The following CTNNA2 variants were observed in gnomAD, a reference collection of about 807,000 sequenced individuals.
CTNNA2 encodes catenin alpha-2.
Under a neutral mutation model 101.0 loss-of-function variants are expected in CTNNA2, and 42 were observed. The ratio of observed to expected loss-of-function variants is 0.42; its 90% CI spans 0.32 to 0.54. The LOEUF (loss-of-function observed/expected upper bound fraction) is 0.54, where lower values mean the gene tolerates loss of function less well. Among genes scored for constraint, CTNNA2 ranks in the 20% least tolerant of loss-of-function variants. CTNNA2 has a pLI of 0.14. For missense variants in CTNNA2, 871 were observed against 1,223.1 expected (o/e 0.71, Z 4.29); for synonymous variants, 450 against 456.4 (o/e 0.99, Z 0.18).
chr2:80,084,597 C>T (rs1031130802), intron 7 of CTNNA2, among the ~76,000 whole-genome samples: 2 of 152,062 alleles, frequency 1.3e-5, no homozygotes, highest in African/African-American at 4.8e-5. Context: ...TGCTTACTGA[C>T]TTGATTAATG....
chr2:80,551,147 T>C (rs904353226), intron 11 of CTNNA2, among the ~76,000 whole-genome samples: 1 of 152,190 alleles, frequency 6.6e-6, no homozygotes, highest in African/African-American at 2.4e-5. Flanking sequence ...CAATGAGCAA[T>C]AACATTTTGA....
intron 9 of CTNNA2, among the ~76,000 whole-genome samples, chr2:80,508,713 T>C (rs1688472812): frequency 6.6e-6 from 1 of 151,354 alleles, no homozygotes; most frequent in Non-Finnish European, 1.5e-5. Flanking sequence ...GTGTTGATTG[T>C]GTTTATGTAG....
At chr2:80,159,137 C>A (rs1027833168) in intron 7 of CTNNA2, among the ~76,000 whole-genome samples, 10 of 152,152 alleles carry the variant, frequency 6.6e-5, no homozygotes, top group Non-Finnish European at 1.3e-4. Context: ...GACTTCATTT[C>A]TCTGGGATAA....
chr2:79,556,710 T>C (rs1011400557), intron 1 of CTNNA2, among the ~76,000 whole-genome samples: 3 of 152,032 alleles, frequency 2.0e-5, no homozygotes, highest in African/African-American at 7.2e-5. Context: ...TAAATGGAAT[T>C]TAGAATTAGC....
chr2:80,591,308 C>G (rs950647786), intron 15 of CTNNA2, among the ~76,000 whole-genome samples: 12 of 152,002 alleles, frequency 7.9e-5, no homozygotes, highest in African/African-American at 2.2e-4. Context: ...TACAATTTTT[C>G]CCACTGCATG....
chr2:80,415,822 G>A (rs1251981808), intron 8 of CTNNA2, among the ~76,000 whole-genome samples: 2 of 152,084 alleles, frequency 1.3e-5, no homozygotes, highest in Non-Finnish European at 2.9e-5. Flanking sequence ...GTGATAGGCA[G>A]ATAAATAGAT....
At chr2:80,628,542 G>A (rs769401375) in intron 18 of CTNNA2, among the ~76,000 whole-genome samples, 2 of 151,820 alleles carry the variant, frequency 1.3e-5, no homozygotes, top group East Asian at 3.9e-4. Flanking sequence ...GAAAGCTGAA[G>A]TTGGATCCCT....
chr2:79,982,379 TATATA>T (rs1691421854), intron 7 of CTNNA2, among the ~76,000 whole-genome samples: 1 of 143,830 alleles, frequency 7.0e-6, no homozygotes, highest in African/African-American at 2.6e-5. Flanking sequence ...ATATATAACA[TATATA>T]ACATATATAA....
chr2:80,417,690 A>G (rs1432837045), intron 8 of CTNNA2, among the ~76,000 whole-genome samples: 1 of 151,250 alleles, frequency 6.6e-6, no homozygotes, highest in Non-Finnish European at 1.5e-5. Flanking sequence ...TATTATTTTT[A>G]TGATGTTTTT....
At chr2:79,375,324 A>T (rs1479859897) in intron 4 of CTNNA2, among the ~76,000 whole-genome samples, 1 of 152,168 alleles carries the variant, frequency 6.6e-6, no homozygotes, top group Admixed American at 6.5e-5. Context: ...AGCTTTTTGT[A>T]AGAATTGCAG....
intron 4 of CTNNA2, among the ~76,000 whole-genome samples, chr2:79,429,784 T>C (rs992609167): frequency 6.6e-6 from 1 of 152,076 alleles, no homozygotes; most frequent in African/African-American, 2.4e-5. Flanking sequence ...AATAATTAAA[T>C]AATAATCCAA....
chr2:79,939,771 G>C (rs2104452284), intron 7 of CTNNA2, among the ~76,000 whole-genome samples: 1 of 152,270 alleles, frequency 6.6e-6, no homozygotes, highest in African/African-American at 2.4e-5. Flanking sequence ...CCTACTCACA[G>C]AATTGTGAAA....
intron 2 of CTNNA2, among the ~76,000 whole-genome samples, chr2:79,700,193 A>G (rs974295014): frequency 2.6e-5 from 4 of 152,162 alleles, no homozygotes; most frequent in African/African-American, 4.8e-5. Flanking sequence ...GGTTATGAAT[A>G]TAACATATCT....
intron 9 of CTNNA2, among the ~76,000 whole-genome samples, chr2:80,492,677 C>T (rs1687154593): frequency 6.6e-6 from 1 of 152,096 alleles, no homozygotes; most frequent in African/African-American, 2.4e-5. Context: ...TTGTAGATTC[C>T]TCTAATATTC....
At chr2:80,483,125 G>C (rs146366245) in intron 9 of CTNNA2, among the ~76,000 whole-genome samples, 2 of 152,236 alleles carry the variant, frequency 1.3e-5, no homozygotes, top group Middle Eastern at 3.4e-3. Context: ...TAGTGTCTCT[G>C]AGAGAGTAGC....
In CTNNA2 at chr2:79,706,727, CT is replaced by C. The variant is rs1685407337; in HGVS notation, c.103-37658del. ...CAGGGACTTGAAAGTATAAGAAAATCTTGGGTGGTGGGCAGGCACCCAGGTC... is the reference window on the plus strand; with the variant it reads ...CAGGGACTTGAAAGTATAAGAAAATCTGGGTGGTGGGCAGGCACCCAGGTC... On this transcript the variant is annotated intron_variant, in intron 2 of 18. Coordinates refer to ENST00000402739, the MANE Select transcript of CTNNA2 (RefSeq NM_001282597.3). Among the ~76,000 whole-genome samples the C allele has an allele frequency of 2.6e-5, 4 of 152,184 alleles. No homozygotes were observed. In the South Asian group the frequency reaches 8.3e-4, roughly 32 times the overall value.
chr2:80,339,547 T>G (rs934465033), intron 7 of CTNNA2, among the ~76,000 whole-genome samples: 2 of 152,186 alleles, frequency 1.3e-5, no homozygotes, highest in South Asian at 2.1e-4. Flanking sequence ...GAAGTAGAAA[T>G]ACCTCTTCCA....
intron 7 of CTNNA2, among the ~76,000 whole-genome samples, chr2:80,085,103 G>A (rs1699361407): frequency 1.3e-5 from 2 of 152,076 alleles, no homozygotes; most frequent in Admixed American, 6.6e-5. Context: ...ATGTGTCAGT[G>A]AGAATAGGCC....
At chr2:79,495,241 C>T (rs1160149508) in intron 4 of CTNNA2, among the ~76,000 whole-genome samples, 1 of 152,018 alleles carries the variant, frequency 6.6e-6, no homozygotes, top group Non-Finnish European at 1.5e-5. Flanking sequence ...GAATTATATA[C>T]AGAATATATA....
Sources: gnomAD v4.1 joint callset for allele counts (sites outside exome capture counted in the v4.1 genomes callset) on GRCh38, gnomAD v4.1.1 for gene constraint, MANE v1.5 for transcripts, NCBI Gene and HGNC (gene_info 2026-07-23, HGNC 2026-07-21) for gene names.